RNF170: variants seen among roughly 807,000 people sequenced by gnomAD.
The protein encoded by RNF170 is ring finger protein 170.
In RNF170, 12 loss-of-function variants were observed where a neutral mutation model predicts 32.7. That is an observed-to-expected ratio of 0.37 (90% confidence interval 0.24 to 0.60). The LOEUF (loss-of-function observed/expected upper bound fraction) is 0.60, where lower values mean the gene tolerates loss of function less well. RNF170 is among the 20% of genes least tolerant of loss of function. The pLI is 0.72. For missense variants in RNF170, 212 were observed against 311.2 expected (o/e 0.68, Z 2.40); for synonymous variants, 91 against 103.6 (o/e 0.88, Z 0.74).
rs1475222412 is a variant in RNF170 at position 42,855,165 on chromosome 8, A to G, written c.*994T>C. The G allele has an allele frequency of 1.6e-6, 2 of 1,286,496 alleles. No individual in the cohort carries two copies. Among genetic ancestry groups the G allele is most frequent in the Admixed American group, 4.6e-5 (2 of 43,466 alleles). 79.7% of individuals were successfully genotyped at this position (1,286,496 alleles called of 1,614,324 possible). ...CTTTTATATCTACTACGAAAGGATG[A>G]GCTCTTGTTTAAATGTCTAACTGTG... On this transcript the variant is annotated 3_prime_UTR_variant, in exon 7 of 7. Coordinates refer to ENST00000527424, the MANE Select transcript of RNF170 (RefSeq NM_030954.4).
chr8:42,850,254 T>C, downstream of RNF170: 1 of 166,768 alleles, frequency 6.0e-6, no homozygotes, highest in Non-Finnish European at 1.3e-5. Context: ...CATGGGGCCT[T>C]GCAGGCTGGC....
intron 2 of RNF170, among the ~76,000 whole-genome samples, chr8:42,886,848 C>A (rs1025246065): frequency 1.3e-5 from 2 of 152,122 alleles, no homozygotes; most frequent in African/African-American, 4.8e-5. Flanking sequence ...TGTAGCGAGA[C>A]CCTGTCTCTA....
intron 6 of RNF170, among the ~76,000 whole-genome samples, chr8:42,859,055 G>A (rs955789314): frequency 2.0e-5 from 3 of 152,116 alleles, no homozygotes; most frequent in Non-Finnish European, 4.4e-5. Flanking sequence ...GTGGTGGCAT[G>A]CACCTGTAGT....
At chr8:42,852,475 T>C (rs1802965380), downstream of RNF170, among the ~76,000 whole-genome samples, 1 of 152,108 alleles carries the variant, frequency 6.6e-6, no homozygotes, top group African/African-American at 2.4e-5. Context: ...TGGAGTGCAA[T>C]GGCATGATCT....
At chr8:42,850,716 G>A, downstream of RNF170, 10 of 1,538,736 alleles carry the variant, frequency 6.5e-6, no homozygotes, top group Non-Finnish European at 7.9e-6. Flanking sequence ...GGTAAGGGGA[G>A]GGGAGGGTCA....
Position 42,868,029 on chromosome 8 carries a change from A to AT in RNF170, c.322+1974dup, listed in dbSNP as rs552477555. ...ATCTGCCTTCTATGATGCCCGTTTA[A>AT]TTTTCCCTGCCCAATCTTTCATAAC... On this transcript the variant is annotated intron_variant, in intron 4 of 6. Transcript: ENST00000527424. Among the ~76,000 whole-genome samples the AT allele has an allele frequency of 3.9e-5, 6 of 152,280 alleles. No individual in the cohort carries two copies. The South Asian group carries it at 1.2e-3, about 32-fold the overall frequency.
intron 2 of RNF170, among the ~76,000 whole-genome samples, chr8:42,884,320 G>C (rs927256582): frequency 5.3e-5 from 8 of 152,010 alleles, no homozygotes; most frequent in African/African-American, 1.9e-4. Context: ...CTGACCTCCA[G>C]CCATCCATCC....
intron 5 of RNF170, among the ~76,000 whole-genome samples, chr8:42,864,878 G>A (rs755630847): frequency 2.0e-4 from 30 of 151,712 alleles, no homozygotes; most frequent in Admixed American, 3.9e-4. Flanking sequence ...ACAACTGTAG[G>A]ATTTCAAATA....
intron 6 of RNF170, among the ~76,000 whole-genome samples, chr8:42,859,434 AGGCCAGCCT>A (rs1411938232): frequency 6.6e-6 from 1 of 151,988 alleles, no homozygotes; most frequent in African/African-American, 2.4e-5. Context: ...CAGGAGTTCA[AGGCCAGCCT>A]GGGCAGCATG....
chr8:42,896,733 G>A (rs1356289338), upstream of RNF170: 1 of 147,492 alleles, frequency 6.8e-6, no homozygotes, highest in East Asian at 2.0e-4. Flanking sequence ...TGGTGGCGGG[G>A]GCGCGCCCGG....
chr8:42,880,039 T>C (rs1805258870), intron 2 of RNF170, among the ~76,000 whole-genome samples: 1 of 152,152 alleles, frequency 6.6e-6, no homozygotes, highest in Admixed American at 6.5e-5. Context: ...TGGAAGAAGT[T>C]GACTCCAGCC....
chr8:42,875,648 C>T (rs1804865499), intron 2 of RNF170, among the ~76,000 whole-genome samples: 1 of 152,204 alleles, frequency 6.6e-6, no homozygotes, highest in Non-Finnish European at 1.5e-5. Context: ...ACAATCTCAA[C>T]TCACTGTAAC....
chr8:42,886,180 C>G (rs576902150), intron 2 of RNF170, among the ~76,000 whole-genome samples: 1 of 151,582 alleles, frequency 6.6e-6, no homozygotes, highest in Non-Finnish European at 1.5e-5. Flanking sequence ...GCCGAGATCA[C>G]GCCACTGCAC....
upstream of RNF170, chr8:42,897,289 C>A: frequency 2.5e-6 from 2 of 788,568 alleles, no homozygotes; most frequent in Non-Finnish European, 3.4e-6. Context: ...GGCGACGGTG[C>A]CGTCACATCC....
chr8:42,884,846 C>T (rs1805682641), intron 2 of RNF170, among the ~76,000 whole-genome samples: 1 of 147,650 alleles, frequency 6.8e-6, no homozygotes, highest in African/African-American at 2.5e-5. Flanking sequence ...GGATTACAGG[C>T]ACCCACGACC....
intron 5 of RNF170, among the ~76,000 whole-genome samples, chr8:42,864,369 G>A (rs1043712157): frequency 6.6e-6 from 1 of 151,912 alleles, no homozygotes; most frequent in African/African-American, 2.4e-5. Context: ...CCAAAGTGCT[G>A]GGATTACAGG....
intron 1 of RNF170, 52 bp from the exon 2 acceptor site, chr8:42,887,923 A>T: frequency 1.3e-6 from 2 of 1,500,640 alleles, no homozygotes; most frequent in Non-Finnish European, 1.9e-6. Context: ...GTGAAAATGA[A>T]ATATACTAAT....
chr8:42,879,077 A>C (rs1230245956), intron 2 of RNF170, among the ~76,000 whole-genome samples: 1 of 152,210 alleles, frequency 6.6e-6, no homozygotes, highest in Non-Finnish European at 1.5e-5. Context: ...GTGTATTAAC[A>C]AAAAAATCTG....
Position 42,855,902 on chromosome 8 carries a change from A to AT in RNF170, c.*256dup, listed in dbSNP as rs1402942174. On this transcript the variant is annotated 3_prime_UTR_variant, in exon 7 of 7. Transcript: ENST00000527424. The stretch of plus-strand genomic sequence containing the variant: ...AGCATCCCTTTTTATATAATTCCAT[A>AT]TTTTTTCCAGACAACATAGAATCAA... 8.0e-7 allele frequency: 1 copy of AT among 1,247,642 alleles called. No individual in the cohort carries two copies. The highest frequency in any genetic ancestry group is 1.0e-6 in the Non-Finnish European group (1 of 952,786). The allele number at this position is 1,247,642 out of a possible 1,614,324, so 77.3% of individuals were successfully genotyped here.
Sources: allele counts gnomAD v4.1 joint callset (sites outside exome capture counted in the v4.1 genomes callset), GRCh38; gene constraint gnomAD v4.1.1; transcripts MANE v1.5; gene names NCBI Gene and HGNC (gene_info 2026-07-23, HGNC 2026-07-21).